Variants in SEZ6L observed in about 807,000 individuals in gnomAD.
The protein encoded by SEZ6L is seizure related 6 homolog like, also known as seizure 6-like protein.
SEZ6L carries 37 observed loss-of-function variants against 106.2 expected under a neutral mutation model. That is an observed-to-expected ratio of 0.35 (90% CI 0.27 to 0.46). SEZ6L has a LOEUF of 0.46. SEZ6L is among the 20% of genes least tolerant of loss of function. The pLI is 1.00. For synonymous variants in SEZ6L, 541 were observed against 570.4 expected (o/e 0.95, Z 0.73); for missense variants, 1,172 against 1,332.8 (o/e 0.88, Z 1.88).
intron 1 of SEZ6L, among the ~76,000 whole-genome samples, chr22:26,242,596 TA>T (rs926032798): frequency 5.9e-5 from 9 of 152,154 alleles, no homozygotes; most frequent in African/African-American, 1.2e-4. Flanking sequence ...AAAAGCAATG[TA>T]AAAAAGAACA....
At chr22:26,229,716 G>A (rs1486341013) in intron 1 of SEZ6L, among the ~76,000 whole-genome samples, 1 of 152,206 alleles carries the variant, frequency 6.6e-6, no homozygotes, top group African/African-American at 2.4e-5. Context: ...CAGGGTCCCT[G>A]GGGATGGGAC....
Position 26,382,174 on chromosome 22 carries a change from C to A in SEZ6L, c.*1879C>A. ...AGGCTGCTTTCCAGGACCCAAAGCC[C>A]CATTTAATGCAAGAACCAGAGAAGT... On this transcript the variant is annotated 3_prime_UTR_variant, in exon 17 of 17. Transcript: ENST00000248933. 1 of 394,688 alleles carries A rather than the reference C, an allele frequency of 2.5e-6. No individual in the cohort carries two copies. The highest frequency in any genetic ancestry group is 5.0e-6 in the Non-Finnish European group (1 of 198,618). The allele number at this position is 394,688 out of a possible 1,614,324, so 24.4% of individuals were successfully genotyped here. A position where few individuals can be genotyped will look rare whatever the true frequency, so the allele number is the denominator to read the frequency against.
At chr22:26,361,759 T>G (rs78605764) in intron 12 of SEZ6L, among the ~76,000 whole-genome samples, 3,226 of 152,150 alleles carry the variant, frequency 0.021, 113 homozygotes, top group African/African-American at 0.074. Context: ...AACTAGGATG[T>G]GCATCCTGAG....
At chr22:26,311,684 C>A in intron 7 of SEZ6L, 84 bp from the exon 8 acceptor site, 1 of 1,221,762 alleles carries the variant, frequency 8.2e-7, no homozygotes, top group Non-Finnish European at 1.2e-6. Context: ...TTCTAAACAG[C>A]ACAGGGGACC....
At chr22:26,308,630 T>G (rs2081716106) in intron 6 of SEZ6L, among the ~76,000 whole-genome samples, 1 of 151,936 alleles carries the variant, frequency 6.6e-6, no homozygotes, top group African/African-American at 2.4e-5. Flanking sequence ...GGTCGTAATA[T>G]GTACTAGCTA....
chr22:26,242,867 A>T (rs2079185343), intron 1 of SEZ6L: 1 of 152,250 alleles, frequency 6.6e-6, no homozygotes, highest in Non-Finnish European at 1.5e-5. Context: ...TAGGGCCACC[A>T]TGACAAAGTG....
At chr22:26,325,991 T>A (rs1178945270) in intron 9 of SEZ6L, among the ~76,000 whole-genome samples, 2 of 151,746 alleles carry the variant, frequency 1.3e-5, no homozygotes, top group Admixed American at 6.6e-5. Context: ...AGTGTTACAG[T>A]AGGAATGAAG....
chr22:26,170,763 C>T (rs1184493109), intron 1 of SEZ6L, among the ~76,000 whole-genome samples: 1 of 152,170 alleles, frequency 6.6e-6, no homozygotes. Flanking sequence ...CCACAGGACC[C>T]GGCCTTCTTG....
chr22:26,323,892 G>T (rs2082225463), intron 9 of SEZ6L, among the ~76,000 whole-genome samples: 1 of 151,970 alleles, frequency 6.6e-6, no homozygotes, highest in Non-Finnish European at 1.5e-5. Context: ...ACTCTCCAAT[G>T]CAATATCAGT....
At chr22:26,260,030 G>T (rs1163799922) in intron 1 of SEZ6L, among the ~76,000 whole-genome samples, 6 of 152,096 alleles carry the variant, frequency 3.9e-5, no homozygotes, top group Admixed American at 3.9e-4. Flanking sequence ...GGCATGCTTA[G>T]GGTTATTATT....
chr22:26,345,343 A>G (rs530161515), intron 10 of SEZ6L, among the ~76,000 whole-genome samples: 12 of 152,328 alleles, frequency 7.9e-5, no homozygotes, highest in South Asian at 6.2e-4. Flanking sequence ...GAAATTACAA[A>G]TGCAGTGGGT....
chr22:26,298,855 T>G (rs2081371981), intron 4 of SEZ6L, 129 bp from the exon 5 acceptor site: 1 of 735,720 alleles, frequency 1.4e-6, no homozygotes, highest in Non-Finnish European at 2.0e-6. Context: ...AATACCATTC[T>G]CCAGAGCTCT....
intron 12 of SEZ6L, among the ~76,000 whole-genome samples, chr22:26,355,819 T>A (rs1031565832): frequency 1.3e-5 from 2 of 152,314 alleles, no homozygotes. Flanking sequence ...CCCAAAGCCA[T>A]AGTTTGGTCC....
chr22:26,373,713 G>C (rs1242384542), intron 14 of SEZ6L, among the ~76,000 whole-genome samples: 1 of 152,104 alleles, frequency 6.6e-6, no homozygotes, highest in Admixed American at 6.6e-5. Flanking sequence ...TTCTGTACAT[G>C]GTAACAGCAA....
At chr22:26,283,274 A>C (rs996993688) in intron 1 of SEZ6L, among the ~76,000 whole-genome samples, 2 of 152,208 alleles carry the variant, frequency 1.3e-5, no homozygotes, top group East Asian at 3.8e-4. Context: ...GTAATCCCCA[A>C]AGATGCGTAT....
chr22:26,296,782 G>A (rs961279896), intron 3 of SEZ6L, 106 bp from the exon 4 acceptor site: 3 of 961,438 alleles, frequency 3.1e-6, no homozygotes, highest in Admixed American at 3.5e-5. Flanking sequence ...TTGACCAGGG[G>A]CTAGCAGTAC....
chr22:26,227,989 G>T (rs1047600317), intron 1 of SEZ6L, among the ~76,000 whole-genome samples: 1 of 152,216 alleles, frequency 6.6e-6, no homozygotes, highest in Non-Finnish European at 1.5e-5. Context: ...AAAATAATGT[G>T]CATTGATAAA....
intron 13 of SEZ6L, among the ~76,000 whole-genome samples, chr22:26,367,438 G>A (rs894256908): frequency 6.6e-6 from 1 of 151,990 alleles, no homozygotes; most frequent in African/African-American, 2.4e-5. Context: ...CAACCACCTG[G>A]GCTCAAGCTA....
intron 1 of SEZ6L, among the ~76,000 whole-genome samples, chr22:26,209,070 G>C (rs1417925503): frequency 6.6e-6 from 1 of 151,830 alleles, no homozygotes; most frequent in Non-Finnish European, 1.5e-5. Context: ...TTTAATTTTA[G>C]ATATAGTTTT....
Sources: allele counts gnomAD v4.1 joint callset (sites outside exome capture counted in the v4.1 genomes callset), GRCh38; gene constraint gnomAD v4.1.1; transcripts MANE v1.5; gene names NCBI Gene and HGNC (gene_info 2026-07-23, HGNC 2026-07-21).